The following PCDHGA6 variants were observed in gnomAD, a reference collection of about 807,000 sequenced individuals.
The protein encoded by PCDHGA6 is protocadherin gamma subfamily A, 6.
In PCDHGA6, 41 loss-of-function variants were observed where a neutral mutation model predicts 60.6. That is an observed-to-expected ratio of 0.68 (90% confidence interval 0.53 to 0.88). PCDHGA6 has a LOEUF of 0.88. Ranked by LOEUF, PCDHGA6 falls within the 40% of genes least tolerant of loss-of-function variation. The pLI is 0.00. For synonymous variants in PCDHGA6, 594 were observed against 524.4 expected (o/e 1.13, Z -1.81); for missense variants, 1,312 against 1,203.0 (o/e 1.09, Z -1.34).
In PCDHGA6 at chr5:141,487,883, G is replaced by A; in HGVS notation, c.2425-6924G>A. ...GGTGATCAAGAGCCAGGCTGTTGTG[G>A]AAGCATGATGATGGAATGTGGGAGC... is the stretch of plus-strand genomic sequence containing the variant. On this transcript the variant is annotated intron_variant, in intron 1 of 3. Transcript: ENST00000517434. This position sits in a 1 kb window ranked among gnomAD's most constrained non-coding sequence, Gnocchi z 5.0. The A allele has an allele frequency of 1.3e-6, 1 of 766,586 alleles. No homozygotes were observed. The highest frequency in any genetic ancestry group is 1.8e-5 in the South Asian group (1 of 55,094). 47.5% of individuals were successfully genotyped at this position (766,586 alleles called of 1,614,324 possible).
chr5:141,436,120 TC>T (rs2154556955), intron 1 of PCDHGA6, among the ~76,000 whole-genome samples: 1 of 152,344 alleles, frequency 6.6e-6, no homozygotes, highest in South Asian at 2.1e-4. Context: ...GAAACCTCTC[TC>T]CTCCATCATC....
At chr5:141,410,675 T>A in intron 1 of PCDHGA6, 1 of 1,551,642 alleles carries the variant, frequency 6.4e-7, no homozygotes, top group Non-Finnish European at 8.6e-7. Context: ...GTTTCTCATA[T>A]TTTAGGCATA....
rs745902303 is a variant in PCDHGA6 at position 141,374,580 on chromosome 5, C to T, written c.497C>T (p.Ser166Phe). The T allele has an allele frequency of 6.2e-7, 1 of 1,613,706 alleles. No individual in the cohort carries two copies. The highest frequency in any genetic ancestry group is 8.5e-7 in the Non-Finnish European group (1 of 1,179,724). Residue 166 changes from serine to phenylalanine, a missense_variant, in exon 1 of 4, where the codon TCC becomes TTC. Physicochemically the swap from Ser to Phe is radical, Grantham distance 155 (BLOSUM62 -2). Transcript: ENST00000517434. Reference sequence around the variant, plus strand: ...TATGACCCTGATGTGGGAATGAACTCCCTTCAGGGATTTAAGCTCAGTGGT... The same window carrying T: ...TATGACCCTGATGTGGGAATGAACTTCCTTCAGGGATTTAAGCTCAGTGGT... ...EVYDPDVGMN[S>F]LQGFKLSGNS...
At chr5:141,399,760 C>T in intron 1 of PCDHGA6, 3 of 1,613,342 alleles carry the variant, frequency 1.9e-6, no homozygotes, top group Non-Finnish European at 2.5e-6. Flanking sequence ...CGTGAGCCTG[C>T]GCGTGTTGGT....
At chr5:141,380,802 T>A (rs1776746309) in intron 1 of PCDHGA6, among the ~76,000 whole-genome samples, 1 of 152,118 alleles carries the variant, frequency 6.6e-6, no homozygotes, top group African/African-American at 2.4e-5. Context: ...AAGAAACAAA[T>A]GTGAGATGAA....
chr5:141,452,360 C>A (rs1045666881), intron 1 of PCDHGA6, among the ~76,000 whole-genome samples: 3 of 152,172 alleles, frequency 2.0e-5, no homozygotes, highest in Non-Finnish European at 4.4e-5. Flanking sequence ...AAAAGCCTTG[C>A]TTCATTTTAG....
chr5:141,401,017 T>C (rs2094103677), intron 1 of PCDHGA6, among the ~76,000 whole-genome samples: 3 of 152,226 alleles, frequency 2.0e-5, no homozygotes, highest in Admixed American at 2.0e-4. Context: ...AATGGATTTA[T>C]GATTTTTTGA....
chr5:141,460,455 A>AT (rs2098989699), intron 1 of PCDHGA6, among the ~76,000 whole-genome samples: 1 of 152,080 alleles, frequency 6.6e-6, no homozygotes, highest in Non-Finnish European at 1.5e-5. Flanking sequence ...GAAGATTCAT[A>AT]TTTTTTTCCA....
At position 141,490,852 on chromosome 5, in the gene PCDHGA6, G is replaced by A. The variant is rs759198428; in HGVS notation, c.2425-3955G>A. 2 of 1,613,896 alleles carry A rather than the reference G, an allele frequency of 1.2e-6. No individual in the cohort carries two copies. Among genetic ancestry groups the A allele is most frequent in the Non-Finnish European group, 1.7e-6 (2 of 1,179,928 alleles). ...GCTGCAGATTGTGGTGGGGGTTCGA[G>A]ACTCCGGCTCTCCCCCATTGCATGC... On this transcript the variant is annotated intron_variant, in intron 1 of 3. Transcript: ENST00000517434. The surrounding 1 kb of genome is among the most constrained non-coding windows in gnomAD (Gnocchi z 5.4).
At position 141,375,730 on chromosome 5, in the gene PCDHGA6, C is replaced by T; in HGVS notation, c.1647C>T (p.Ser549=). 3 of 1,614,266 alleles carry T rather than the reference C, an allele frequency of 1.9e-6. No individual in the cohort carries two copies. Among genetic ancestry groups the T allele is most frequent in the Non-Finnish European group, 2.5e-6 (3 of 1,180,050 alleles). ...DPPLSSNVSL[S]LFVLDQNDNA... ...CTCTTAGCAGCAACGTGTCACTGAG[C>T]CTGTTTGTGCTGGACCAGAATGACA... The change falls in exon 1 of 4, where the codon AGC becomes AGT. Residue 549 remains serine (S), a synonymous_variant. Coordinates refer to ENST00000517434, the MANE Select transcript of PCDHGA6 (RefSeq NM_018919.3).
Position 141,476,437 on chromosome 5 carries a change from TCTGGAGTTGGTAGTGGAGAACCC to T in PCDHGA6, c.2425-18369_2425-18347del. ...GGACACTGCCCTCTTGCACTGTAAC[TCTGGAGTTGGTAGTGGAGAACCC>T]GCTGGAGCTGTTCAGCGTGGAAGTG... On this transcript the variant is annotated intron_variant, in intron 1 of 3. Transcript: ENST00000517434. The surrounding 1 kb of genome is among the most constrained non-coding windows in gnomAD (Gnocchi z 7.6). 1 of 1,614,004 alleles carries T rather than the reference TCTGGAGTTGGTAGTGGAGAACCC, an allele frequency of 6.2e-7. No individual in the cohort carries two copies. The highest frequency in any genetic ancestry group is 2.2e-5 in the East Asian group (1 of 44,836).
Position 141,384,336 on chromosome 5 carries a change from C to T in PCDHGA6, c.2424+7829C>T, listed in dbSNP as rs1779973302. On this transcript the variant is annotated intron_variant, in intron 1 of 3. Transcript: ENST00000517434. ...TTTTCTTAGTGACTGCACAGGACCA[C>T]GACAGTGAGGATAATGCCCAGATCA... 9 of 1,613,748 alleles carry T rather than the reference C, an allele frequency of 5.6e-6. No homozygotes were observed. The East Asian group carries it at 1.1e-4, about 20-fold the overall frequency.
intron 1 of PCDHGA6, chr5:141,423,117 G>A (rs1429958385): frequency 6.2e-7 from 1 of 1,613,698 alleles, no homozygotes; most frequent in Non-Finnish European, 8.5e-7. Flanking sequence ...TGCGTACAGC[G>A]CGGGCACTGC....
chr5:141,475,820 C>T (rs890721743), intron 1 of PCDHGA6: 2 of 351,808 alleles, frequency 5.7e-6, no homozygotes, highest in African/African-American at 2.1e-5. Context: ...AAGTTCCTGG[C>T]GCTAGCGCGT....
At chr5:141,484,880 T>G (rs1258072805) in intron 1 of PCDHGA6, 3 of 336,846 alleles carry the variant, frequency 8.9e-6, no homozygotes, top group Admixed American at 9.2e-5. Flanking sequence ...GAGGATAGGG[T>G]GGGCTTTTTC....
At chr5:141,383,556 C>T (rs1365311931) in intron 1 of PCDHGA6, 1 of 1,612,766 alleles carries the variant, frequency 6.2e-7, no homozygotes, top group Non-Finnish European at 8.5e-7. Context: ...ATGGCGGCGA[C>T]CCGCCCCGAT....
At chr5:141,381,443 C>T (rs1777196570) in intron 1 of PCDHGA6, among the ~76,000 whole-genome samples, 1 of 152,224 alleles carries the variant, frequency 6.6e-6, no homozygotes, top group Admixed American at 6.5e-5. Flanking sequence ...CCTGTCAGGA[C>T]AGTCCTGCAT....
chr5:141,382,530 G>T (rs1043069134), intron 1 of PCDHGA6, among the ~76,000 whole-genome samples: 2 of 152,150 alleles, frequency 1.3e-5, no homozygotes, highest in Non-Finnish European at 2.9e-5. Context: ...GTCTTAAAAT[G>T]GATTTTTAAT....
chr5:141,429,547 A>C (rs2097222392), intron 1 of PCDHGA6, among the ~76,000 whole-genome samples: 1 of 152,196 alleles, frequency 6.6e-6, no homozygotes, highest in Non-Finnish European at 1.5e-5. Flanking sequence ...AGAACATGGT[A>C]ATGATTTGAT....
Sources: gnomAD v4.1 joint callset for allele counts (sites outside exome capture counted in the v4.1 genomes callset) on GRCh38, gnomAD v4.1.1 for gene constraint, Gnocchi (gnomAD v3.1) non-coding constraint, MANE v1.5 for transcripts, NCBI Gene and HGNC (gene_info 2026-07-23, HGNC 2026-07-21) for gene names.